The following TAFA1 variants were observed in gnomAD, a reference collection of about 807,000 sequenced individuals.
The protein encoded by TAFA1 is chemokine-like protein TAFA-1.
In TAFA1, 4 loss-of-function variants were observed where a neutral mutation model predicts 18.5. The observed-to-expected ratio is 0.22, with a 90% CI of 0.11 to 0.49. TAFA1 has a LOEUF of 0.49. Ranked by LOEUF, TAFA1 falls within the 20% of genes least tolerant of loss-of-function variation. The pLI is 0.98. For synonymous variants in TAFA1, 56 were observed against 55.2 expected, an observed-to-expected ratio of 1.01 and a Z score of -0.06; for missense variants, 147 against 169.0, an observed-to-expected ratio of 0.87 and a Z score of 0.72.
intron 2 of TAFA1, among the ~76,000 whole-genome samples, chr3:68,050,851 T>C (rs955229279): frequency 1.3e-5 from 2 of 152,202 alleles, no homozygotes; most frequent in African/African-American, 4.8e-5. Context: ...TGAATGGTTG[T>C]GGCTGCTTTC....
chr3:68,058,970 A>G (rs2064568464), intron 2 of TAFA1, among the ~76,000 whole-genome samples: 1 of 152,134 alleles, frequency 6.6e-6, no homozygotes, highest in Admixed American at 6.5e-5. Flanking sequence ...CAAATTGTGG[A>G]GATATTTGCT....
chr3:68,409,372 G>A (rs569752893), intron 2 of TAFA1, among the ~76,000 whole-genome samples: 4 of 152,224 alleles, frequency 2.6e-5, no homozygotes, highest in African/African-American at 9.6e-5. Flanking sequence ...GTCAAGAGAG[G>A]GACCTAGTTG....
At chr3:68,441,570 AGT>A (rs1295581382) in intron 3 of TAFA1, among the ~76,000 whole-genome samples, 1 of 152,128 alleles carries the variant, frequency 6.6e-6, no homozygotes, top group Non-Finnish European at 1.5e-5. Flanking sequence ...CTAGCCATAA[AGT>A]GGGTTGTGCA....
chr3:68,122,715 G>A (rs567818161), intron 2 of TAFA1, among the ~76,000 whole-genome samples: 69 of 152,138 alleles, frequency 4.5e-4, no homozygotes, highest in African/African-American at 1.6e-3. Flanking sequence ...AATAGAACTT[G>A]AAATAAATAA....
intron 2 of TAFA1, among the ~76,000 whole-genome samples, chr3:68,288,484 C>T (rs9823980): frequency 0.19 from 28,822 of 152,018 alleles, 3,811 homozygotes; most frequent in East Asian, 0.73. Flanking sequence ...CCATTTGCAC[C>T]AAGTTGGTGC....
At chr3:68,404,438 A>AGTG (rs2106756628) in intron 2 of TAFA1, among the ~76,000 whole-genome samples, 1 of 152,326 alleles carries the variant, frequency 6.6e-6, no homozygotes, top group East Asian at 1.9e-4. Flanking sequence ...GTGGTTAGTA[A>AGTG]GTGGTCCATA....
Position 68,026,356 on chromosome 3 carries a change from G to A in TAFA1, c.118+19612G>A, listed in dbSNP as rs1363866588. On this transcript the variant is annotated intron_variant, in intron 2 of 4. Transcript: ENST00000478136. ...TGGAGAAATTCCATCCCCACCGAGA[G>A]GGTCCATTTTCTCCCAATCGCCTAA... Among the ~76,000 whole-genome samples, 3 of 151,878 alleles carry A rather than the reference G, an allele frequency of 2.0e-5. No individual in the cohort carries two copies. In the East Asian group the frequency reaches 5.8e-4, roughly 29 times the overall value.
chr3:68,282,390 C>T (rs182283503), intron 2 of TAFA1, among the ~76,000 whole-genome samples: 276 of 151,242 alleles, frequency 1.8e-3, no homozygotes, highest in Middle Eastern at 3.4e-3. Flanking sequence ...CTTCCAATGA[C>T]TTTGTGGAGT....
chr3:68,249,784 G>C (rs2067158179), intron 2 of TAFA1, among the ~76,000 whole-genome samples: 1 of 152,142 alleles, frequency 6.6e-6, no homozygotes, highest in South Asian at 2.1e-4. Flanking sequence ...GCTGCTAAAA[G>C]TAGAGAAGGC....
intron 2 of TAFA1, among the ~76,000 whole-genome samples, chr3:68,115,990 C>T (rs1280496116): frequency 2.0e-5 from 3 of 152,204 alleles, no homozygotes; most frequent in African/African-American, 7.2e-5. Context: ...GACACGGTGG[C>T]TCACGCCTGT....
chr3:68,504,067 C>T (rs190060353), intron 3 of TAFA1, among the ~76,000 whole-genome samples: 16 of 152,022 alleles, frequency 1.1e-4, no homozygotes, highest in East Asian at 3.9e-4. Flanking sequence ...GCATAATATA[C>T]GTGGAGAAGG....
At chr3:68,171,009 A>G (rs1268514671) in intron 2 of TAFA1, among the ~76,000 whole-genome samples, 2 of 152,210 alleles carry the variant, frequency 1.3e-5, no homozygotes, top group East Asian at 1.9e-4. Flanking sequence ...GATAGGCAGA[A>G]TAATGCTCTC....
intron 2 of TAFA1, among the ~76,000 whole-genome samples, chr3:68,084,724 G>A (rs1302784043): frequency 6.6e-6 from 1 of 151,844 alleles, no homozygotes; most frequent in Non-Finnish European, 1.5e-5. Context: ...CTTGAAGCCG[G>A]GAGGCGGAGG....
At chr3:68,303,329 A>G (rs150286139) in intron 2 of TAFA1, among the ~76,000 whole-genome samples, 9 of 152,202 alleles carry the variant, frequency 5.9e-5, no homozygotes, top group Non-Finnish European at 8.8e-5. Flanking sequence ...AGATTTTACA[A>G]AGGAGGAGCT....
chr3:68,179,461 T>C (rs2066168217), intron 2 of TAFA1, among the ~76,000 whole-genome samples: 1 of 152,224 alleles, frequency 6.6e-6, no homozygotes, highest in Admixed American at 6.5e-5. Context: ...TTTCCATTTT[T>C]CCTCCTTTTA....
At chr3:68,123,270 T>A in intron 2 of TAFA1, among the ~76,000 whole-genome samples, 1 of 152,136 alleles carries the variant, frequency 6.6e-6, no homozygotes, top group Non-Finnish European at 1.5e-5. Flanking sequence ...GACTGGGCTG[T>A]TGCCTTCGGA....
intron 2 of TAFA1, among the ~76,000 whole-genome samples, chr3:68,350,580 G>A (rs531831970): frequency 6.6e-6 from 1 of 152,208 alleles, no homozygotes; most frequent in South Asian, 2.1e-4. Context: ...CTATAAAATT[G>A]CAGAATTGCT....
At chr3:68,218,304 A>G (rs779291831) in intron 2 of TAFA1, among the ~76,000 whole-genome samples, 6 of 152,140 alleles carry the variant, frequency 3.9e-5, no homozygotes, top group Non-Finnish European at 7.4e-5. Context: ...CTCCATTTTT[A>G]TAGCATGTTT....
At chr3:68,015,809 T>C (rs1704558886) in intron 2 of TAFA1, among the ~76,000 whole-genome samples, 1 of 152,242 alleles carries the variant, frequency 6.6e-6, no homozygotes, top group South Asian at 2.1e-4. Flanking sequence ...ATATTCATTT[T>C]GTCTATGAAT....
Sources: allele counts gnomAD v4.1 joint callset (sites outside exome capture counted in the v4.1 genomes callset), GRCh38; gene constraint gnomAD v4.1.1; transcripts MANE v1.5; gene names NCBI Gene and HGNC (gene_info 2026-07-23, HGNC 2026-07-21).